COP1: variants seen among roughly 807,000 people sequenced by gnomAD.
The protein encoded by COP1 is E3 ubiquitin-protein ligase COP1.
Under a neutral mutation model 101.3 loss-of-function variants are expected in COP1, and 24 were observed. That is an observed-to-expected ratio of 0.24 (90% confidence interval 0.17 to 0.33). The LOEUF (loss-of-function observed/expected upper bound fraction) is 0.33. Among genes scored for constraint, COP1 ranks in the 10% least tolerant of loss-of-function variants. The pLI, the probability that COP1 is intolerant of heterozygous loss-of-function variation, is 1.00. For synonymous variants in COP1, 347 were observed against 341.9 expected, an observed-to-expected ratio of 1.01 and a Z score of -0.17; for missense variants, 663 against 906.2, an observed-to-expected ratio of 0.73 and a Z score of 3.45.
At chr1:176,191,717 T>G (rs1318091203) in intron 1 of COP1, among the ~76,000 whole-genome samples, 1 of 152,116 alleles carries the variant, frequency 6.6e-6, no homozygotes, top group Non-Finnish European at 1.5e-5. Context: ...CTTTCCCAGT[T>G]CCATTTGCTC....
At position 175,993,737 on chromosome 1, in the gene COP1, G is replaced by A. The variant is rs896595830; in HGVS notation, c.1730-4258C>T. Among the ~76,000 whole-genome samples, 7 of 152,276 alleles carry A rather than the reference G, an allele frequency of 4.6e-5. No homozygotes were observed. The East Asian group carries it at 7.7e-4, about 17-fold the overall frequency. On this transcript the variant is annotated intron_variant, in intron 15 of 19. Transcript: ENST00000367669. ...TGAGCAAAGCCTCCAAGAAATATGC[G>A]ACTATGTGAAAAGACCAAATCTACG...
chr1:175,980,136 G>A (rs940629521), intron 18 of COP1, among the ~76,000 whole-genome samples: 12 of 152,080 alleles, frequency 7.9e-5, no homozygotes, highest in African/African-American at 2.2e-4. Context: ...CTGAAGCACC[G>A]TGTGGTTAAG....
chr1:176,028,748 T>C (rs1021775729), intron 14 of COP1, among the ~76,000 whole-genome samples: 14 of 138,350 alleles, frequency 1.0e-4, no homozygotes, highest in Non-Finnish European at 1.1e-4. Context: ...TATTATTCTT[T>C]TTATTATTAT....
intron 1 of COP1, among the ~76,000 whole-genome samples, chr1:176,189,862 A>T (rs1230087648): frequency 6.6e-5 from 10 of 152,078 alleles, no homozygotes; most frequent in Admixed American, 3.9e-4. Flanking sequence ...AACAATAATT[A>T]AAAAACTGAA....
At chr1:175,969,669 A>G (rs912380381) in intron 18 of COP1, among the ~76,000 whole-genome samples, 4 of 152,180 alleles carry the variant, frequency 2.6e-5, no homozygotes, top group African/African-American at 9.7e-5. Context: ...TGTGTCACGT[A>G]AAACTTCTAT....
At chr1:176,189,440 C>A (rs757705854) in intron 1 of COP1, among the ~76,000 whole-genome samples, 1 of 151,584 alleles carries the variant, frequency 6.6e-6, no homozygotes, top group Non-Finnish European at 1.5e-5. Flanking sequence ...AAAAATACTT[C>A]TTTAAAATAC....
chr1:176,142,739 T>A (rs1001847439), intron 6 of COP1, among the ~76,000 whole-genome samples: 2 of 151,082 alleles, frequency 1.3e-5, no homozygotes, highest in Non-Finnish European at 2.9e-5. Context: ...AAAATCTCAA[T>A]GTTCAAGTAA....
intron 3 of COP1, among the ~76,000 whole-genome samples, chr1:176,173,274 G>A (rs970408236): frequency 7.3e-6 from 1 of 137,366 alleles, no homozygotes; most frequent in Non-Finnish European, 1.5e-5. Context: ...TCATGCCATT[G>A]CACTCCAGCC....
At chr1:176,180,302 C>G (rs1164825699) in intron 2 of COP1, among the ~76,000 whole-genome samples, 2 of 152,146 alleles carry the variant, frequency 1.3e-5, no homozygotes, top group Non-Finnish European at 2.9e-5. Context: ...CCTTCTGGAT[C>G]ATATAAAACA....
chr1:176,168,511 AGG>A (rs764614637), intron 3 of COP1, among the ~76,000 whole-genome samples: 1 of 27,528 alleles, frequency 3.6e-5, no homozygotes, highest in Non-Finnish European at 6.8e-5. Context: ...GAAGGGAGGG[AGG>A]GAGGGAGGGA....
At chr1:175,997,722 T>G (rs1660530836) in intron 15 of COP1, among the ~76,000 whole-genome samples, 1 of 152,150 alleles carries the variant, frequency 6.6e-6, no homozygotes, top group Non-Finnish European at 1.5e-5. Flanking sequence ...CCAGTTAGAA[T>G]GGCAATCATT....
intron 10 of COP1, among the ~76,000 whole-genome samples, chr1:176,085,362 G>C (rs951484431): frequency 2.0e-5 from 3 of 151,852 alleles, no homozygotes; most frequent in Admixed American, 2.0e-4. Context: ...CTGTTTATCT[G>C]TTGCTTTCCC....
At chr1:175,973,336 A>G (rs969402433) in intron 18 of COP1, among the ~76,000 whole-genome samples, 1 of 152,220 alleles carries the variant, frequency 6.6e-6, no homozygotes, top group Non-Finnish European at 1.5e-5. Context: ...GTTGCTACCT[A>G]AACTTCTATA....
intron 11 of COP1, among the ~76,000 whole-genome samples, chr1:176,055,565 A>T (rs1673329979): frequency 6.6e-6 from 1 of 152,160 alleles, no homozygotes. Flanking sequence ...TATATAGTAC[A>T]CTGATGACTA....
intron 8 of COP1, among the ~76,000 whole-genome samples, chr1:176,132,087 T>C (rs1688978468): frequency 6.6e-6 from 1 of 151,638 alleles, no homozygotes; most frequent in African/African-American, 2.4e-5. Flanking sequence ...AAAATCCTAA[T>C]GCAAACCAAC....
intron 6 of COP1, among the ~76,000 whole-genome samples, chr1:176,147,363 G>T (rs1027359794): frequency 2.6e-5 from 4 of 152,090 alleles, no homozygotes; most frequent in African/African-American, 9.7e-5. Flanking sequence ...TTTAATCAAA[G>T]TAGTAGATAA....
intron 14 of COP1, among the ~76,000 whole-genome samples, chr1:176,035,287 T>G (rs1669304964): frequency 6.6e-6 from 1 of 151,204 alleles, no homozygotes; most frequent in South Asian, 2.1e-4. Flanking sequence ...AATGAAAATT[T>G]TTGCAAAATG....
intron 1 of COP1, among the ~76,000 whole-genome samples, chr1:176,195,903 T>C (rs1311673614): frequency 6.6e-6 from 1 of 152,176 alleles, no homozygotes; most frequent in African/African-American, 2.4e-5. Flanking sequence ...CGGAGGGGGT[T>C]AGGAGCTGAA....
At chr1:176,193,923 G>A (rs531355989) in intron 1 of COP1, among the ~76,000 whole-genome samples, 9 of 152,270 alleles carry the variant, frequency 5.9e-5, no homozygotes, top group Middle Eastern at 3.4e-3. Context: ...TTAAAACGGC[G>A]TATTTCAGGG....
Sources: gnomAD v4.1 joint callset for allele counts (sites outside exome capture counted in the v4.1 genomes callset) on GRCh38, gnomAD v4.1.1 for gene constraint, MANE v1.5 for transcripts, NCBI Gene and HGNC (gene_info 2026-07-23, HGNC 2026-07-21) for gene names.